Variants in RIC8B observed in about 807,000 individuals in gnomAD.
RIC8B encodes RIC8 guanine nucleotide exchange factor B, also known as chaperone Ric-8B.
Under a neutral mutation model 57.5 loss-of-function variants are expected in RIC8B, and 16 were observed. That is an observed-to-expected ratio of 0.28 (90% CI 0.19 to 0.42). The LOEUF is 0.42. Among genes scored for constraint, RIC8B ranks in the 10% least tolerant of loss-of-function variants. The probability of loss-of-function intolerance (pLI) is 1.00; values close to 1 mark genes in which losing one functional copy is unlikely to be tolerated. For synonymous variants in RIC8B, 216 were observed against 250.8 expected (o/e 0.86, Z 1.31); for missense variants, 481 against 677.0 (o/e 0.71, Z 3.21).
intron 4 of RIC8B, among the ~76,000 whole-genome samples, chr12:106,842,324 T>C (rs756803800): frequency 6.6e-6 from 1 of 152,232 alleles, no homozygotes; most frequent in African/African-American, 2.4e-5. Context: ...ATTCCTATTT[T>C]AGCATTTCAG....
At chr12:106,789,574 G>A (rs1227715856) in intron 2 of RIC8B, among the ~76,000 whole-genome samples, 2 of 152,130 alleles carry the variant, frequency 1.3e-5, no homozygotes, top group East Asian at 1.9e-4. Flanking sequence ...GTGGTGGCAA[G>A]AGAGAATGAG....
chr12:106,796,252 A>G (rs766403191), intron 2 of RIC8B, among the ~76,000 whole-genome samples: 1 of 152,128 alleles, frequency 6.6e-6, no homozygotes, highest in Non-Finnish European at 1.5e-5. Context: ...AAAATTTACT[A>G]CAGGGCCAAG....
chr12:106,875,946 G>GT (rs958190905), intron 9 of RIC8B, among the ~76,000 whole-genome samples: 1 of 149,844 alleles, frequency 6.7e-6, no homozygotes, highest in African/African-American at 2.4e-5. Context: ...CAAATACATA[G>GT]TTTTTTCTTA....
chr12:106,881,886 CCTT>C (rs1349493340), intron 9 of RIC8B, among the ~76,000 whole-genome samples: 6 of 152,126 alleles, frequency 3.9e-5, no homozygotes, highest in Non-Finnish European at 5.9e-5. Context: ...ATGATCCTCT[CCTT>C]CTACTCCCAG....
chr12:106,795,766 A>C (rs2044452222), intron 2 of RIC8B, among the ~76,000 whole-genome samples: 1 of 152,174 alleles, frequency 6.6e-6, no homozygotes, highest in Admixed American at 6.5e-5. Flanking sequence ...GCTGCTTTTC[A>C]TTAAAAGGAA....
intron 2 of RIC8B, among the ~76,000 whole-genome samples, chr12:106,803,946 G>A (rs1462598809): frequency 6.6e-6 from 1 of 152,060 alleles, no homozygotes; most frequent in African/African-American, 2.4e-5. Flanking sequence ...TATTATCCCC[G>A]TTTTATAGGT....
chr12:106,837,347 GCAAGACTGTT>G (rs1379797965), intron 4 of RIC8B, among the ~76,000 whole-genome samples: 2 of 151,556 alleles, frequency 1.3e-5, no homozygotes, highest in Admixed American at 6.6e-5. Flanking sequence ...GGGCGACAGA[GCAAGACTGTT>G]TCTCAAAAAA....
chr12:106,881,225 G>A (rs1950913631), intron 9 of RIC8B, among the ~76,000 whole-genome samples: 1 of 151,554 alleles, frequency 6.6e-6, no homozygotes, highest in Non-Finnish European at 1.5e-5. Context: ...GGGGGTGGGG[G>A]GTATGCTCCT....
intron 4 of RIC8B, among the ~76,000 whole-genome samples, chr12:106,839,593 T>C (rs1008426401): frequency 5.9e-5 from 9 of 152,210 alleles, no homozygotes; most frequent in Admixed American, 5.9e-4. Flanking sequence ...TTATGCAAGA[T>C]AAGGTCTGGA....
intron 3 of RIC8B, among the ~76,000 whole-genome samples, chr12:106,824,367 T>C (rs1281537944): frequency 2.0e-5 from 3 of 152,168 alleles, no homozygotes; most frequent in Admixed American, 2.0e-4. Context: ...GCAGTGCCTT[T>C]ATTTCAGTTA....
At chr12:106,789,353 C>G (rs1191381564) in intron 2 of RIC8B, among the ~76,000 whole-genome samples, 2 of 152,180 alleles carry the variant, frequency 1.3e-5, no homozygotes, top group East Asian at 1.9e-4. Flanking sequence ...CTGCCTGATA[C>G]CTAGTTCCAA....
intron 3 of RIC8B, among the ~76,000 whole-genome samples, chr12:106,819,749 AAAAAG>A (rs2045755455): frequency 6.7e-6 from 1 of 149,128 alleles, no homozygotes; most frequent in Non-Finnish European, 1.5e-5. Flanking sequence ...AAAAAAAAAA[AAAAAG>A]AGGAGGAGGA....
At chr12:106,851,714 A>G in intron 7 of RIC8B, 120 bp downstream of exon 7, 3 of 843,834 alleles carry the variant, frequency 3.6e-6, no homozygotes, top group Non-Finnish European at 3.6e-6. Context: ...TGTCTGTTCT[A>G]TTAGAGAGGC....
chr12:106,791,764 G>A (rs1241406395), intron 2 of RIC8B, among the ~76,000 whole-genome samples: 1 of 152,152 alleles, frequency 6.6e-6, no homozygotes, highest in Non-Finnish European at 1.5e-5. Flanking sequence ...ATAGATGCAT[G>A]CTGAGGCTTG....
At chr12:106,844,640 C>A (rs766930376) in intron 6 of RIC8B, among the ~76,000 whole-genome samples, 1 of 152,114 alleles carries the variant, frequency 6.6e-6, no homozygotes, top group Non-Finnish European at 1.5e-5. Flanking sequence ...TTAAAGATAT[C>A]CTGGCTACTA....
intron 2 of RIC8B, among the ~76,000 whole-genome samples, chr12:106,784,552 G>A (rs550035441): frequency 8.8e-4 from 134 of 152,176 alleles, no homozygotes; most frequent in African/African-American, 3.0e-3. Flanking sequence ...TAGAGACAGG[G>A]TCTCATCATG....
chr12:106,857,770 C>A (rs948462442), intron 7 of RIC8B, among the ~76,000 whole-genome samples: 3 of 152,138 alleles, frequency 2.0e-5, no homozygotes, highest in Non-Finnish European at 4.4e-5. Flanking sequence ...TATTTGAAAA[C>A]AGACTTAAAA....
At chr12:106,807,143 A>G (rs2045076368) in intron 2 of RIC8B, among the ~76,000 whole-genome samples, 2 of 152,190 alleles carry the variant, frequency 1.3e-5, no homozygotes, top group South Asian at 4.1e-4. Context: ...CTACCACTCT[A>G]GTTGAAACTA....
At chr12:106,857,681 A>G (rs1433098017) in intron 7 of RIC8B, among the ~76,000 whole-genome samples, 1 of 152,176 alleles carries the variant, frequency 6.6e-6, no homozygotes, top group East Asian at 1.9e-4. Context: ...TGTTTGCACT[A>G]GCAGCTCACC....
Sources: allele counts gnomAD v4.1 joint callset (sites outside exome capture counted in the v4.1 genomes callset), GRCh38; gene constraint gnomAD v4.1.1; transcripts MANE v1.5; gene names NCBI Gene and HGNC (gene_info 2026-07-23, HGNC 2026-07-21).